The following CPPED1 variants were observed in gnomAD, a reference collection of about 807,000 sequenced individuals.
The protein encoded by CPPED1 is calcineurin like phosphoesterase domain containing 1, also known as serine/threonine-protein phosphatase CPPED1.
CPPED1 carries 28 observed loss-of-function variants against 28.0 expected under a neutral mutation model. The ratio of observed to expected loss-of-function variants is 1.00; its 90% confidence interval spans 0.74 to 1.37. CPPED1 has a LOEUF of 1.37. CPPED1 is among the 40% of genes most tolerant of loss of function. CPPED1 has a pLI of 0.00. For missense variants in CPPED1, 504 were observed against 416.5 expected (o/e 1.21, Z -1.83); for synonymous variants, 198 against 180.2 (o/e 1.10, Z -0.79).
At chr16:12,733,812 G>A (rs867786303) in intron 2 of CPPED1, among the ~76,000 whole-genome samples, 1 of 152,112 alleles carries the variant, frequency 6.6e-6, no homozygotes, top group Non-Finnish European at 1.5e-5. Context: ...AGGCCAATGA[G>A]GAGTTGTGCA....
intron 2 of CPPED1, among the ~76,000 whole-genome samples, chr16:12,774,392 C>G (rs937446232): frequency 1.3e-5 from 2 of 151,638 alleles, no homozygotes; most frequent in Non-Finnish European, 2.9e-5. Flanking sequence ...CACTTGAACC[C>G]GGGAGGCAGA....
At chr16:12,764,203 ATTT>A (rs11354214) in intron 2 of CPPED1, among the ~76,000 whole-genome samples, 2 of 146,766 alleles carry the variant, frequency 1.4e-5, no homozygotes, top group African/African-American at 5.0e-5. Context: ...TTTGATTTTA[ATTT>A]TTTTTTTTTT....
rs138741283 is a variant in CPPED1, at chr16:12,757,208, C to T, written c.289+23977G>A. ...CGAGGGTGACCAACAAAGTTATAGC[C>T]CAGGGCTGAGGGGTTTCCCAGGATG... On this transcript the variant is annotated intron_variant, in intron 2 of 3. Coordinates refer to ENST00000381774, the MANE Select transcript of CPPED1 (RefSeq NM_018340.3). 4.4e-4 allele frequency among the ~76,000 whole-genome samples: 67 copies of T among 152,174 alleles called. No homozygotes were observed. In the East Asian group the frequency reaches 0.01, roughly 23 times the overall value.
intron 2 of CPPED1, among the ~76,000 whole-genome samples, chr16:12,708,807 C>A (rs2080065051): frequency 6.6e-6 from 1 of 152,246 alleles, no homozygotes; most frequent in South Asian, 2.1e-4. Context: ...TGGCTGGGTG[C>A]AGTGGCTCAT....
intron 3 of CPPED1, among the ~76,000 whole-genome samples, chr16:12,672,985 G>C (rs1003757471): frequency 6.6e-6 from 1 of 152,176 alleles, no homozygotes; most frequent in Middle Eastern, 3.4e-3. Context: ...CTGCACTCCA[G>C]CCTGGGTGAG....
At chr16:12,796,014 C>G (rs1351848111) in intron 1 of CPPED1, among the ~76,000 whole-genome samples, 1 of 151,366 alleles carries the variant, frequency 6.6e-6, no homozygotes, top group East Asian at 1.9e-4. Context: ...ACCCAGGAAG[C>G]AGAGGTTGCA....
intron 1 of CPPED1, among the ~76,000 whole-genome samples, chr16:12,801,632 G>A (rs2080660331): frequency 6.6e-6 from 1 of 151,982 alleles, no homozygotes; most frequent in Non-Finnish European, 1.5e-5. Flanking sequence ...TCTCCCATGT[G>A]TCCACAAAGA....
At chr16:12,675,128 A>G in intron 3 of CPPED1, among the ~76,000 whole-genome samples, 1 of 152,124 alleles carries the variant, frequency 6.6e-6, no homozygotes, top group South Asian at 2.1e-4. Context: ...CTGATTCACA[A>G]CTCGATGGAG....
intron 3 of CPPED1, among the ~76,000 whole-genome samples, chr16:12,693,564 G>A (rs542425379): frequency 1.3e-5 from 2 of 152,222 alleles, no homozygotes; most frequent in South Asian, 4.1e-4. Context: ...AATTTAAAAG[G>A]CAATGAAATC....
chr16:12,717,637 CATA>C lies in CPPED1; in HGVS notation c.290-12591_290-12589del, dbSNP rs886253255. Among the ~76,000 whole-genome samples, 5 of 151,974 alleles carry C rather than the reference CATA, an allele frequency of 3.3e-5. No homozygotes were observed. The East Asian group carries it at 5.8e-4, about 18-fold the overall frequency. Reference sequence around the variant, plus strand: ...ATAGAGACAGACAGACACACACACACATAATAATAATTATTATTTTTGAGACAG... The same window carrying C: ...ATAGAGACAGACAGACACACACACACATAATAATTATTATTTTTGAGACAG... On this transcript the variant is annotated intron_variant, in intron 2 of 3. Coordinates refer to ENST00000381774, the MANE Select transcript of CPPED1 (RefSeq NM_018340.3).
At chr16:12,794,230 G>A (rs559222325) in intron 1 of CPPED1, among the ~76,000 whole-genome samples, 103 of 152,066 alleles carry the variant, frequency 6.8e-4, no homozygotes, top group Non-Finnish European at 1.3e-3. Flanking sequence ...CGGGGTGCAG[G>A]GTTTCTTCTT....
chr16:12,794,896 G>A (rs1185281099), intron 1 of CPPED1, among the ~76,000 whole-genome samples: 1 of 152,224 alleles, frequency 6.6e-6, no homozygotes, highest in African/African-American at 2.4e-5. Context: ...ACTCTTCAGA[G>A]AACTAAGAAA....
rs1399134406 is a variant in CPPED1, at chr16:12,664,839, A to AC, written c.*46_*47insG. The AC allele has an allele frequency of 6.2e-7, 1 of 1,606,168 alleles. No homozygotes were observed. On this transcript the variant is annotated 3_prime_UTR_variant, in exon 4 of 4. Transcript: ENST00000381774. The surrounding 1 kb of genome is among the most constrained non-coding windows in gnomAD (Gnocchi z 4.2). The stretch of plus-strand genomic sequence containing the variant: ...GTGTGCAGCTGCTGTTTCTGGCAAA[A>AC]TAAAAAAATAGTGCAAGTGAAAAGT...
chr16:12,674,307 G>C (rs1205954548), intron 3 of CPPED1, among the ~76,000 whole-genome samples: 1 of 152,164 alleles, frequency 6.6e-6, no homozygotes, highest in East Asian at 1.9e-4. Context: ...CTGATGCTGA[G>C]TTCAAGGCTC....
chr16:12,731,554 C>T (rs1479265115), intron 2 of CPPED1, among the ~76,000 whole-genome samples: 2 of 151,834 alleles, frequency 1.3e-5, no homozygotes, highest in African/African-American at 2.4e-5. Context: ...CCAGGCAGAG[C>T]CCTCCAACAG....
intron 2 of CPPED1, among the ~76,000 whole-genome samples, chr16:12,767,953 TCAAAAAA>T (rs898216040): frequency 3.3e-5 from 5 of 151,916 alleles, no homozygotes; most frequent in African/African-American, 1.2e-4. Flanking sequence ...GGACTCTGAC[TCAAAAAA>T]CAAAAAACAA....
chr16:12,799,377 C>T (rs1567309932), intron 1 of CPPED1, among the ~76,000 whole-genome samples: 1 of 151,944 alleles, frequency 6.6e-6, no homozygotes, highest in Non-Finnish European at 1.5e-5. Context: ...TCCCAAGTAG[C>T]TGGGATTACA....
Position 12,680,405 on chromosome 16 carries a change from C to T in CPPED1, c.716-15290G>A, listed in dbSNP as rs560775025. 5.3e-5 allele frequency among the ~76,000 whole-genome samples: 8 copies of T among 152,164 alleles called. No homozygotes were observed. The East Asian group carries it at 1.5e-3, about 29-fold the overall frequency. ...AAGCTTTCCCTCTGCCCCCACACTG[C>T]TATGTAAAATCTAGGTTGCCGGATG... On this transcript the variant is annotated intron_variant, in intron 3 of 3. Coordinates refer to ENST00000381774, the MANE Select transcript of CPPED1 (RefSeq NM_018340.3).
At chr16:12,707,496 G>A (rs1159100839) in intron 2 of CPPED1, among the ~76,000 whole-genome samples, 3 of 152,158 alleles carry the variant, frequency 2.0e-5, no homozygotes, top group African/African-American at 7.2e-5. Context: ...GCTGCCCTGA[G>A]ACACAGGATG....
Sources: gnomAD v4.1 joint callset for allele counts (sites outside exome capture counted in the v4.1 genomes callset) on GRCh38, gnomAD v4.1.1 for gene constraint, Gnocchi (gnomAD v3.1) non-coding constraint, MANE v1.5 for transcripts, NCBI Gene and HGNC (gene_info 2026-07-23, HGNC 2026-07-21) for gene names.